Variants in RARB observed in about 807,000 individuals in gnomAD.
The protein encoded by RARB is HBV-activated protein.
In RARB, 17 loss-of-function variants were observed where a neutral mutation model predicts 51.9. The observed-to-expected ratio is 0.33, with a 90% CI of 0.22 to 0.49. RARB has a LOEUF of 0.49. RARB is among the 20% of genes least tolerant of loss of function. The pLI is 0.99. For missense variants in RARB, 369 were observed against 550.8 expected (o/e 0.67, Z 3.30); for synonymous variants, 215 against 195.4 (o/e 1.10, Z -0.84).
At chr3:25,219,556 G>C (rs376340367) in intron 5 of RARB, among the ~76,000 whole-genome samples, 1 of 152,272 alleles carries the variant, frequency 6.6e-6, no homozygotes, top group African/African-American at 2.4e-5. Flanking sequence ...GAAGGGAGTG[G>C]GGAGGGAAGT....
chr3:25,066,728 G>C (rs1424872281), intron 3 of RARB, among the ~76,000 whole-genome samples: 2 of 148,942 alleles, frequency 1.3e-5, no homozygotes, highest in Non-Finnish European at 3.0e-5. Context: ...AAACATTGTA[G>C]AAAATTCCAA....
chr3:25,418,649 G>T (rs1707773373), intron 5 of RARB, among the ~76,000 whole-genome samples: 1 of 152,096 alleles, frequency 6.6e-6, no homozygotes, highest in Non-Finnish European at 1.5e-5. Flanking sequence ...GTGGTAAGGG[G>T]GGACCATGAC....
chr3:25,571,002 G>A (rs1344483497), intron 4 of RARB, among the ~76,000 whole-genome samples: 1 of 152,010 alleles, frequency 6.6e-6, no homozygotes, highest in Non-Finnish European at 1.5e-5. Flanking sequence ...AGCATGGGGT[G>A]TAGTGCGCTA....
At chr3:25,288,951 C>T (rs1417958196) in intron 5 of RARB, among the ~76,000 whole-genome samples, 1 of 152,196 alleles carries the variant, frequency 6.6e-6, no homozygotes, top group Non-Finnish European at 1.5e-5. Flanking sequence ...CCTCATACTT[C>T]ACCTATATTT....
intron 3 of RARB, among the ~76,000 whole-genome samples, chr3:25,540,896 GTCATGACCCAC>G (rs1699351496): frequency 6.6e-6 from 1 of 151,582 alleles, no homozygotes; most frequent in East Asian, 1.9e-4. Flanking sequence ...CTTAATGGCT[GTCATGACCCAC>G]TCATTTCTTA....
intron 5 of RARB, among the ~76,000 whole-genome samples, chr3:25,354,565 G>C (rs1705674202): frequency 1.3e-5 from 2 of 152,222 alleles, no homozygotes; most frequent in South Asian, 4.1e-4. Context: ...AAACCGAGTT[G>C]TTATTCTTCC....
At chr3:25,552,712 G>T (rs1699896840) in intron 3 of RARB, among the ~76,000 whole-genome samples, 1 of 149,280 alleles carries the variant, frequency 6.7e-6, no homozygotes, top group East Asian at 2.0e-4. Context: ...TGAACCAAGG[G>T]TATGATAAAG....
intron 3 of RARB, among the ~76,000 whole-genome samples, chr3:25,542,158 G>A (rs1269263354): frequency 7.9e-5 from 12 of 152,160 alleles, no homozygotes; most frequent in Non-Finnish European, 1.6e-4. Flanking sequence ...TTGTATCATC[G>A]GATTCTGAGG....
chr3:24,839,040 T>C (rs925059949), intron 1 of RARB, among the ~76,000 whole-genome samples: 1 of 152,070 alleles, frequency 6.6e-6, no homozygotes, highest in African/African-American at 2.4e-5. Context: ...CAATTTATGG[T>C]TTTAGTCATA....
intron 3 of RARB, among the ~76,000 whole-genome samples, chr3:25,533,667 A>G (rs1699017842): frequency 1.3e-5 from 2 of 152,234 alleles, no homozygotes; most frequent in Non-Finnish European, 2.9e-5. Flanking sequence ...CATTGGCAGA[A>G]ATCATAAAAC....
At position 24,870,167 on chromosome 3, in the gene RARB, A is replaced by G. The variant is rs534237022; in HGVS notation, c.-380+11415A>G. On this transcript the variant is annotated intron_variant, in intron 2 of 11. Coordinates refer to the RARB transcript ENST00000383772. ...CCAGTTTGAAGCATGTCTTCTAACTATCTTTATGGTGTCTTTTGATGAATA... is the reference window on the plus strand; with the variant it reads ...CCAGTTTGAAGCATGTCTTCTAACTGTCTTTATGGTGTCTTTTGATGAATA... 3.9e-5 allele frequency among the ~76,000 whole-genome samples: 6 copies of G among 152,188 alleles called. No homozygotes were observed. In the South Asian group the frequency reaches 1.2e-3, roughly 32 times the overall value.
intron 3 of RARB, among the ~76,000 whole-genome samples, chr3:25,520,556 CT>C (rs1184336939): frequency 6.6e-6 from 1 of 152,102 alleles, no homozygotes; most frequent in Non-Finnish European, 1.5e-5. Flanking sequence ...ACTGATAACT[CT>C]TTTTTTAGAT....
chr3:25,390,394 A>G (rs924543856), intron 5 of RARB, among the ~76,000 whole-genome samples: 3 of 152,172 alleles, frequency 2.0e-5, no homozygotes, highest in Non-Finnish European at 4.4e-5. Flanking sequence ...GGATCTGCCA[A>G]CACCTTGATC....
At chr3:24,998,429 T>C (rs1367727754) in intron 2 of RARB, among the ~76,000 whole-genome samples, 1 of 152,160 alleles carries the variant, frequency 6.6e-6, no homozygotes, top group African/African-American at 2.4e-5. Context: ...TTGGATTTTT[T>C]TGTGGAAGAC....
At chr3:25,304,401 C>T (rs1704110682) in intron 5 of RARB, among the ~76,000 whole-genome samples, 1 of 152,212 alleles carries the variant, frequency 6.6e-6, no homozygotes, top group South Asian at 2.1e-4. Context: ...ACCTCTATGA[C>T]ATGTCTGCCG....
chr3:25,501,691 T>TA (rs1382875057), intron 3 of RARB, among the ~76,000 whole-genome samples: 1 of 152,138 alleles, frequency 6.6e-6, no homozygotes, highest in Non-Finnish European at 1.5e-5. Context: ...GAGGATAAGA[T>TA]AAAATGATAG....
chr3:25,528,656 G>T (rs1175891322), intron 3 of RARB, among the ~76,000 whole-genome samples: 3 of 152,092 alleles, frequency 2.0e-5, no homozygotes, highest in African/African-American at 7.2e-5. Context: ...CCTCCTGAGG[G>T]ATGGAAGGGC....
At chr3:24,893,257 C>G (rs1429746316) in intron 2 of RARB, among the ~76,000 whole-genome samples, 1 of 152,042 alleles carries the variant, frequency 6.6e-6, no homozygotes, top group East Asian at 1.9e-4. Flanking sequence ...CATAATAGTC[C>G]CTGGGAGACA....
intron 3 of RARB, among the ~76,000 whole-genome samples, chr3:25,102,133 C>A (rs1699412771): frequency 6.6e-6 from 1 of 152,282 alleles, no homozygotes; most frequent in East Asian, 1.9e-4. Flanking sequence ...TGGGCCAGAG[C>A]TCCCTAAGCA....
Sources: allele counts gnomAD v4.1 joint callset (sites outside exome capture counted in the v4.1 genomes callset), GRCh38; gene constraint gnomAD v4.1.1; transcripts MANE v1.5; gene names NCBI Gene and HGNC (gene_info 2026-07-23, HGNC 2026-07-21).